Variants in ARMH4 observed in about 807,000 individuals in gnomAD.
ARMH4 encodes the protein armadillo like helical domain containing 4.
Under a neutral mutation model 61.9 loss-of-function variants are expected in ARMH4, and 49 were observed. The ratio of observed to expected loss-of-function variants is 0.79; its 90% CI spans 0.63 to 1.00. The LOEUF (loss-of-function observed/expected upper bound fraction) is 1.00, where lower values mean the gene tolerates loss of function less well. ARMH4 is among the 50% of genes least tolerant of loss of function. The pLI is 0.00. For missense variants in ARMH4, 934 were observed against 930.0 expected, an observed-to-expected ratio of 1.00 and a Z score of -0.06; for synonymous variants, 368 against 341.5, an observed-to-expected ratio of 1.08 and a Z score of -0.85.
intron 5 of ARMH4, among the ~76,000 whole-genome samples, chr14:58,068,868 A>C (rs1330713051): frequency 1.3e-5 from 2 of 151,956 alleles, no homozygotes; most frequent in Non-Finnish European, 2.9e-5. Flanking sequence ...TTAGCTTGGC[A>C]TGGTGGTGCG....
chr14:58,050,809 C>A (rs1429944080), intron 5 of ARMH4, among the ~76,000 whole-genome samples: 1 of 152,054 alleles, frequency 6.6e-6, no homozygotes, highest in Non-Finnish European at 1.5e-5. Flanking sequence ...AACGCTATAT[C>A]CATTAAACAA....
intron 5 of ARMH4, among the ~76,000 whole-genome samples, chr14:58,058,939 A>G (rs983536027): frequency 6.6e-6 from 1 of 152,252 alleles, no homozygotes; most frequent in African/African-American, 2.4e-5. Flanking sequence ...CTCATAAAGC[A>G]GTACAACTAA....
chr14:58,055,155 G>T (rs1382296280), intron 5 of ARMH4, among the ~76,000 whole-genome samples: 1 of 152,204 alleles, frequency 6.6e-6, no homozygotes, highest in African/African-American at 2.4e-5. Context: ...ATTTGCTAAT[G>T]TGTATGTCAA....
At chr14:58,076,393 C>T (rs1375091435) in intron 5 of ARMH4, among the ~76,000 whole-genome samples, 1 of 152,116 alleles carries the variant, frequency 6.6e-6, no homozygotes, top group Non-Finnish European at 1.5e-5. Flanking sequence ...TCTTTTCTTC[C>T]CTATGTAAGT....
chr14:58,131,626 T>TGCTG lies in ARMH4; in HGVS notation c.1713_1716dup (p.Ile573GlnfsTer14). On this transcript the variant is annotated frameshift_variant, in exon 4 of 8. Coordinates refer to ENST00000267485, the MANE Select transcript of ARMH4 (RefSeq NM_001001872.4). LOFTEE classifies it high-confidence loss of function. ...TCCAAAGCAGGAAGTGCAGGGGAAA[T>TGCTG]GCTGGGTTCCCCCACCATTATTCCA... The TGCTG allele has an allele frequency of 6.2e-7, 1 of 1,614,162 alleles. No homozygotes were observed. The highest frequency in any genetic ancestry group is 8.5e-7 in the Non-Finnish European group (1 of 1,180,010).
At chr14:58,028,050 C>A (rs149240139) in intron 5 of ARMH4, among the ~76,000 whole-genome samples, 9 of 152,276 alleles carry the variant, frequency 5.9e-5, no homozygotes, top group African/African-American at 2.2e-4. Context: ...ATGTTACACA[C>A]CCCTGGTAGC....
intron 5 of ARMH4, among the ~76,000 whole-genome samples, chr14:58,088,804 C>T (rs1220539904): frequency 1.3e-5 from 2 of 151,978 alleles, no homozygotes; most frequent in Non-Finnish European, 2.9e-5. Flanking sequence ...TTTTTTAAGA[C>T]ACATTAATCC....
At chr14:58,069,682 C>T (rs115479530) in intron 5 of ARMH4, among the ~76,000 whole-genome samples, 2,306 of 152,136 alleles carry the variant, frequency 0.015, 67 homozygotes, top group African/African-American at 0.052. Context: ...GGTAAGGCTA[C>T]AGGAAGGGAA....
chr14:58,130,645 T>C lies in ARMH4; in HGVS notation c.1831+867A>G, dbSNP rs191983670. Reference sequence around the variant, plus strand: ...TGTTGATAGGCAGCCGTGCCTCAAGTTTCTTTTACATGCTCAAAGCCAATG... The same window carrying C: ...TGTTGATAGGCAGCCGTGCCTCAAGCTTCTTTTACATGCTCAAAGCCAATG... On this transcript the variant is annotated intron_variant, in intron 4 of 7. Transcript: ENST00000267485. Among the ~76,000 whole-genome samples the C allele has an allele frequency of 5.8e-4, 88 of 152,326 alleles. 1 individual carries two copies. Among genetic ancestry groups the C allele is most frequent in the Admixed American group, 1.5e-3 (23 of 15,308 alleles).
intron 4 of ARMH4, among the ~76,000 whole-genome samples, chr14:58,114,966 T>C (rs1405092474): frequency 6.6e-6 from 1 of 152,156 alleles, no homozygotes; most frequent in Admixed American, 6.5e-5. Flanking sequence ...GACTTAAATG[T>C]AAGACATAAA....
chr14:58,032,091 C>A (rs1418302120), intron 5 of ARMH4, among the ~76,000 whole-genome samples: 1 of 152,104 alleles, frequency 6.6e-6, no homozygotes, highest in Non-Finnish European at 1.5e-5. Context: ...CGGCTCACTC[C>A]CACTCATTCT....
Position 58,029,872 on chromosome 14 carries a change from G to A in ARMH4, c.2090-17722C>T, listed in dbSNP as rs115550902. On this transcript the variant is annotated intron_variant, in intron 5 of 7. Coordinates refer to ENST00000267485, the MANE Select transcript of ARMH4 (RefSeq NM_001001872.4). ...TGTTAGGTATATACTCACAAGAACC[G>A]AAAACAGGTCCTCAAACAAATACGT... is the stretch of plus-strand genomic sequence containing the variant. Among the ~76,000 whole-genome samples the A allele has an allele frequency of 3.6e-3, 550 of 152,110 alleles. 5 individuals carry two copies. The highest frequency in any genetic ancestry group is 9.9e-3 in the African/African-American group (412 of 41,496).
chr14:58,076,946 C>T (rs1885066167), intron 5 of ARMH4, among the ~76,000 whole-genome samples: 1 of 152,208 alleles, frequency 6.6e-6, no homozygotes, highest in Non-Finnish European at 1.5e-5. Context: ...GCTTTGTCTA[C>T]ACCAAGGCTT....
chr14:58,138,889 A>G lies in ARMH4; in HGVS notation c.470T>C (p.Val157Ala). 6.2e-7 allele frequency: 1 copy of G among 1,614,230 alleles called. No individual in the cohort carries two copies. Among genetic ancestry groups the G allele is most frequent in the Admixed American group, 1.7e-5 (1 of 60,022 alleles). ...IAITATPSLT[V>A]DEKEELLTST... ...TGTAAGGAGTTCCTCCTTTTCATCA[A>G]CAGTCAGAGAAGGAGTCGCAGTGAT... Residue 157 changes from valine (V) to alanine (A), a missense_variant, in exon 2 of 8, where the codon GTT becomes GCT. Transcript: ENST00000267485.
chr14:58,090,261 C>T (rs1029134920), intron 5 of ARMH4, among the ~76,000 whole-genome samples: 16 of 152,104 alleles, frequency 1.1e-4, no homozygotes, highest in African/African-American at 3.9e-4. Flanking sequence ...TGAGATGGAA[C>T]AATGCCACCC....
At chr14:58,061,039 GA>G (rs1310197608) in intron 5 of ARMH4, among the ~76,000 whole-genome samples, 1 of 152,098 alleles carries the variant, frequency 6.6e-6, no homozygotes, top group Non-Finnish European at 1.5e-5. Flanking sequence ...GAGCCCCTCA[GA>G]CCAATTTGGT....
rs534332727 is a variant in ARMH4 at position 58,029,845 on chromosome 14, A to G, written c.2090-17695T>C. ...TATTGACATATAACCCAGCAATTCC[A>G]CTGTTAGGTATATACTCACAAGAAC... On this transcript the variant is annotated intron_variant, in intron 5 of 7. Coordinates refer to ENST00000267485, the MANE Select transcript of ARMH4 (RefSeq NM_001001872.4). Among the ~76,000 whole-genome samples the G allele has an allele frequency of 4.3e-4, 65 of 152,250 alleles. No homozygotes were observed. In the South Asian group the frequency reaches 0.014, roughly 32 times the overall value.
intron 5 of ARMH4, among the ~76,000 whole-genome samples, chr14:58,092,056 C>T (rs1173588286): frequency 6.6e-6 from 1 of 152,224 alleles, no homozygotes; most frequent in Non-Finnish European, 1.5e-5. Context: ...TATGTTCCTG[C>T]TCTTGGCACT....
intron 3 of ARMH4, among the ~76,000 whole-genome samples, chr14:58,132,720 G>A (rs1367030782): frequency 6.6e-6 from 1 of 151,492 alleles, no homozygotes; most frequent in African/African-American, 2.4e-5. Context: ...CGAGTAGCTC[G>A]GACTACAGGC....
Sources: allele counts gnomAD v4.1 joint callset (sites outside exome capture counted in the v4.1 genomes callset), GRCh38; gene constraint gnomAD v4.1.1; transcripts MANE v1.5; gene names NCBI Gene and HGNC (gene_info 2026-07-23, HGNC 2026-07-21).